RABGAP1L: variants seen among roughly 807,000 people sequenced by gnomAD.
The protein encoded by RABGAP1L is rab GTPase-activating protein 1-like.
RABGAP1L carries 63 observed loss-of-function variants against 137.7 expected under a neutral mutation model. The ratio of observed to expected loss-of-function variants is 0.46; its 90% CI spans 0.37 to 0.56. The LOEUF is 0.56. Among genes scored for constraint, RABGAP1L ranks in the 20% least tolerant of loss-of-function variants. RABGAP1L has a pLI of 0.00. For missense variants in RABGAP1L, 1,095 were observed against 1,244.0 expected (o/e 0.88, Z 1.80); for synonymous variants, 431 against 433.7 (o/e 0.99, Z 0.08).
Position 174,278,734 on chromosome 1 carries a change from C to G in RABGAP1L, c.1278C>G (p.Phe426Leu). The G allele has an allele frequency of 6.3e-7, 1 of 1,588,056 alleles. No individual in the cohort carries two copies. Among genetic ancestry groups the G allele is most frequent in the Non-Finnish European group, 8.5e-7 (1 of 1,171,746 alleles). ...CTGCAAATGAGCGATTTTGGTATTTCAGCAGAAAGACTTTCACAGAGACTT... is the reference window on the plus strand; with the variant it reads ...CTGCAAATGAGCGATTTTGGTATTTGAGCAGAAAGACTTTCACAGAGACTT... ...VYPANERFWY[F>L]SRKTFTETFF... Residue 426 changes from phenylalanine (F) to leucine (L), a missense_variant, in exon 10 of 26, where the codon TTC becomes TTG. Physicochemically the swap from Phe to Leu is conservative, Grantham distance 22 (BLOSUM62 0). Transcript: ENST00000681986.
intron 19 of RABGAP1L, among the ~76,000 whole-genome samples, chr1:174,931,198 TATG>T (rs945555306): frequency 6.6e-6 from 1 of 152,232 alleles, no homozygotes; most frequent in African/African-American, 2.4e-5. Context: ...TATTTTCTTA[TATG>T]ATGAATATTT....
At chr1:174,510,571 A>G (rs1662239737) in intron 13 of RABGAP1L, among the ~76,000 whole-genome samples, 1 of 152,176 alleles carries the variant, frequency 6.6e-6, no homozygotes, top group Non-Finnish European at 1.5e-5. Flanking sequence ...CTGAGACAGC[A>G]TAAAAAAGTT....
chr1:174,567,500 A>C (rs1667665578), intron 13 of RABGAP1L, among the ~76,000 whole-genome samples: 1 of 152,298 alleles, frequency 6.6e-6, no homozygotes, highest in African/African-American at 2.4e-5. Flanking sequence ...ATAAAGGAAG[A>C]GTATATTTTG....
At chr1:174,697,960 G>A (rs1679384686) in intron 15 of RABGAP1L, among the ~76,000 whole-genome samples, 1 of 152,180 alleles carries the variant, frequency 6.6e-6, no homozygotes, top group Non-Finnish European at 1.5e-5. Context: ...AACTTCAGGA[G>A]ATGTTATTTA....
In RABGAP1L at chr1:174,501,610, A is replaced by G. The variant is rs976584346; in HGVS notation, c.1710+107465A>G. On this transcript the variant is annotated intron_variant, in intron 13 of 25. Transcript: ENST00000681986. Reference sequence around the variant, plus strand: ...GATTTAGTTGTTCAGTGACAGTAGTAAGTTGTCATTTTTATTGCTGGCTTA... The same window carrying G: ...GATTTAGTTGTTCAGTGACAGTAGTGAGTTGTCATTTTTATTGCTGGCTTA... 6.8e-4 allele frequency among the ~76,000 whole-genome samples: 104 copies of G among 152,324 alleles called. 1 individual carries two copies. Among genetic ancestry groups the G allele is most frequent in the African/African-American group, 2.3e-3 (96 of 41,568 alleles).
chr1:174,679,835 A>G (rs945346525), intron 14 of RABGAP1L, among the ~76,000 whole-genome samples: 57 of 152,210 alleles, frequency 3.7e-4, no homozygotes, highest in Admixed American at 2.6e-4. Context: ...TAATTCCTAA[A>G]TTTATATGGA....
chr1:174,597,317 A>G (rs1458504352), intron 13 of RABGAP1L, among the ~76,000 whole-genome samples: 1 of 152,144 alleles, frequency 6.6e-6, no homozygotes, highest in African/African-American at 2.4e-5. Flanking sequence ...ATGTTTTGTA[A>G]AATTCTGCAG....
chr1:174,296,101 T>C (rs1677106172), intron 10 of RABGAP1L, among the ~76,000 whole-genome samples: 1 of 152,004 alleles, frequency 6.6e-6, no homozygotes, highest in Non-Finnish European at 1.5e-5. Flanking sequence ...CATAAGAACA[T>C]GATGTCAGGA....
intron 3 of RABGAP1L, among the ~76,000 whole-genome samples, chr1:174,229,814 T>C (rs1363986189): frequency 1.3e-5 from 2 of 152,194 alleles, no homozygotes; most frequent in African/African-American, 4.8e-5. Flanking sequence ...ATGGTATTTC[T>C]AGTTCTAGAT....
chr1:174,163,049 G>GTTT (rs1009863249), intron 1 of RABGAP1L, among the ~76,000 whole-genome samples: 16 of 152,010 alleles, frequency 1.1e-4, no homozygotes, highest in African/African-American at 3.4e-4. Context: ...TGGCTCAGGG[G>GTTT]TTTCTTGTGG....
intron 13 of RABGAP1L, among the ~76,000 whole-genome samples, chr1:174,631,351 GA>G (rs1437664199): frequency 1.4e-5 from 2 of 139,500 alleles, no homozygotes; most frequent in Admixed American, 7.1e-5. Context: ...GTGTGGTGCT[GA>G]AAAAAATGTA....
At chr1:174,634,778 C>T (rs1673792114) in intron 13 of RABGAP1L, among the ~76,000 whole-genome samples, 1 of 145,132 alleles carries the variant, frequency 6.9e-6, no homozygotes, top group Non-Finnish European at 1.5e-5. Context: ...TAAACTATTG[C>T]AAGAACAAAA....
intron 13 of RABGAP1L, among the ~76,000 whole-genome samples, chr1:174,507,361 C>T (rs1194794713): frequency 2.0e-5 from 3 of 152,170 alleles, no homozygotes; most frequent in Non-Finnish European, 4.4e-5. Context: ...TACACTGATG[C>T]ATAATTCACC....
At chr1:174,335,415 T>G (rs536921054) in intron 11 of RABGAP1L, among the ~76,000 whole-genome samples, 1 of 152,334 alleles carries the variant, frequency 6.6e-6, no homozygotes, top group Admixed American at 6.5e-5. Context: ...CTGGGAGAGA[T>G]CTAAAGTAAA....
At chr1:174,543,691 G>C (rs541081265) in intron 13 of RABGAP1L, among the ~76,000 whole-genome samples, 49 of 152,264 alleles carry the variant, frequency 3.2e-4, no homozygotes, top group African/African-American at 1.1e-3. Context: ...TCCTAGCCTC[G>C]ATGGTCTTTA....
chr1:174,218,532 T>C (rs947051329), intron 1 of RABGAP1L, among the ~76,000 whole-genome samples: 1 of 152,204 alleles, frequency 6.6e-6, no homozygotes, highest in Non-Finnish European at 1.5e-5. Context: ...GAAGGCAATA[T>C]AGAAGCTTTT....
chr1:174,172,176 TTGTGTGTGTGTGTGTGTGTGTGTGTG>T lies in RABGAP1L; in HGVS notation c.-34+12535_-34+12560del, dbSNP rs34345014. ...TTTTTTAAGGCTGAATAATATTCCCTTGTGTGTGTGTGTGTGTGTGTGTGTGTGTGTGTGTGTGTGTATATATGCCA... is the reference window on the plus strand; with the variant it reads ...TTTTTTAAGGCTGAATAATATTCCCTTGTGTGTGTGTGTGTATATATGCCA... On this transcript the variant is annotated intron_variant, in intron 1 of 25. Transcript: ENST00000681986. 1.9e-4 allele frequency among the ~76,000 whole-genome samples: 23 copies of T among 123,610 alleles called. 1 individual carries two copies. In the East Asian group the frequency reaches 5.8e-3, roughly 31 times the overall value. 81.1% of individuals were successfully genotyped at this position (123,610 alleles called of 152,430 possible).
chr1:174,479,937 A>G (rs970237883), intron 13 of RABGAP1L, among the ~76,000 whole-genome samples: 31 of 152,116 alleles, frequency 2.0e-4, no homozygotes, highest in African/African-American at 6.8e-4. Flanking sequence ...TTGCTATTGT[A>G]TTTACTAACT....
chr1:174,345,774 A>C (rs1682374155), intron 11 of RABGAP1L, among the ~76,000 whole-genome samples: 2 of 152,186 alleles, frequency 1.3e-5, no homozygotes, highest in Non-Finnish European at 2.9e-5. Context: ...GACTTTCAGT[A>C]CTATGTCGAA....
Sources: gnomAD v4.1 joint callset for allele counts (sites outside exome capture counted in the v4.1 genomes callset) on GRCh38, gnomAD v4.1.1 for gene constraint, MANE v1.5 for transcripts, NCBI Gene and HGNC (gene_info 2026-07-23, HGNC 2026-07-21) for gene names.